ASIC2: variants seen among roughly 807,000 people sequenced by gnomAD.
ASIC2 encodes the protein acid sensing ion channel subunit 2.
In ASIC2, 25 loss-of-function variants were observed where a neutral mutation model predicts 57.3. That is an observed-to-expected ratio of 0.44 (90% CI 0.32 to 0.61). The LOEUF (loss-of-function observed/expected upper bound fraction) is 0.61. Ranked by LOEUF, ASIC2 falls within the 20% of genes least tolerant of loss-of-function variation. The pLI is 0.06. For synonymous variants in ASIC2, 319 were observed against 307.5 expected, an observed-to-expected ratio of 1.04 and a Z score of -0.39; for missense variants, 641 against 738.1, an observed-to-expected ratio of 0.87 and a Z score of 1.52.
chr17:33,016,714 GAACAGCCCCCTC>G (rs2091807663), intron 8 of ASIC2, among the ~76,000 whole-genome samples: 2 of 152,048 alleles, frequency 1.3e-5, no homozygotes, highest in South Asian at 4.2e-4. Flanking sequence ...CTTTGGTCAT[GAACAGCCCCCTC>G]CGAGAGACAG....
At chr17:33,924,946 T>C (rs1378371220) in intron 1 of ASIC2, among the ~76,000 whole-genome samples, 2 of 152,190 alleles carry the variant, frequency 1.3e-5, no homozygotes, top group African/African-American at 4.8e-5. Context: ...TCCTGACCCC[T>C]ACACTTCAGG....
At chr17:33,707,474 A>C (rs1388167) in intron 1 of ASIC2, among the ~76,000 whole-genome samples, 53,209 of 151,982 alleles carry the variant, frequency 0.35, 10,925 homozygotes, top group African/African-American at 0.58. Context: ...TATACAGATA[A>C]ATTTGTCCAT....
At chr17:33,841,310 G>C (rs1913429564) in intron 1 of ASIC2, among the ~76,000 whole-genome samples, 1 of 152,224 alleles carries the variant, frequency 6.6e-6, no homozygotes, top group South Asian at 2.1e-4. Flanking sequence ...TTTTGGGGAA[G>C]TGCTATGAGA....
intron 2 of ASIC2, among the ~76,000 whole-genome samples, chr17:33,091,830 T>A (rs1157142788): frequency 6.6e-6 from 1 of 152,236 alleles, no homozygotes; most frequent in East Asian, 1.9e-4. Flanking sequence ...TCTGCAAAGA[T>A]GGGAACGTGC....
chr17:33,208,475 CT>C (rs1172692745), intron 1 of ASIC2, among the ~76,000 whole-genome samples: 8 of 152,074 alleles, frequency 5.3e-5, no homozygotes, highest in Admixed American at 4.6e-4. Flanking sequence ...CACCTTCATT[CT>C]TGCTGGCACT....
chr17:34,098,884 G>A (rs1306430055), intron 1 of ASIC2, among the ~76,000 whole-genome samples: 10 of 152,024 alleles, frequency 6.6e-5, no homozygotes, highest in Admixed American at 6.6e-4. Flanking sequence ...TGACAGAGGA[G>A]ATGACTAATA....
chr17:33,997,916 T>C (rs1317596132), intron 1 of ASIC2, among the ~76,000 whole-genome samples: 1 of 152,210 alleles, frequency 6.6e-6, no homozygotes, highest in Non-Finnish European at 1.5e-5. Flanking sequence ...TTTTTCTCTC[T>C]TCAATTTTTT....
chr17:33,570,336 A>G (rs923174172), intron 1 of ASIC2, among the ~76,000 whole-genome samples: 1 of 152,238 alleles, frequency 6.6e-6, no homozygotes, highest in Non-Finnish European at 1.5e-5. Context: ...ATGAGTCTTG[A>G]TACTTCAAGC....
intron 1 of ASIC2, among the ~76,000 whole-genome samples, chr17:33,661,511 T>C (rs1366013917): frequency 6.6e-6 from 1 of 152,202 alleles, no homozygotes; most frequent in Non-Finnish European, 1.5e-5. Flanking sequence ...TGGCATGGCC[T>C]TGGGCAAGAC....
intron 1 of ASIC2, among the ~76,000 whole-genome samples, chr17:33,142,586 G>T (rs1395218599): frequency 2.0e-5 from 3 of 152,152 alleles, no homozygotes; most frequent in Admixed American, 6.5e-5. Context: ...AGCACAGAAA[G>T]CACAAAGAAC....
At chr17:33,286,573 T>G (rs1905205720) in intron 1 of ASIC2, among the ~76,000 whole-genome samples, 1 of 152,208 alleles carries the variant, frequency 6.6e-6, no homozygotes. Context: ...AGAATGCATG[T>G]GTTCAATCTC....
chr17:33,411,995 A>G (rs1910678371), intron 1 of ASIC2, among the ~76,000 whole-genome samples: 1 of 152,212 alleles, frequency 6.6e-6, no homozygotes. Context: ...CTATGGTTTG[A>G]GTGAAAGCTC....
chr17:33,306,014 C>T (rs571855149), intron 1 of ASIC2, among the ~76,000 whole-genome samples: 2 of 152,184 alleles, frequency 1.3e-5, no homozygotes, highest in East Asian at 1.9e-4. Flanking sequence ...GTTATGTTGT[C>T]GATATTTAGT....
At chr17:33,430,344 G>C (rs1597725665) in intron 1 of ASIC2, among the ~76,000 whole-genome samples, 1 of 152,108 alleles carries the variant, frequency 6.6e-6, no homozygotes, top group East Asian at 1.9e-4. Context: ...TGGGACTCCT[G>C]GGGGGAAAAT....
At chr17:33,442,738 T>C (rs956238287) in intron 1 of ASIC2, among the ~76,000 whole-genome samples, 2 of 152,194 alleles carry the variant, frequency 1.3e-5, no homozygotes, top group Non-Finnish European at 2.9e-5. Flanking sequence ...AGTTTTTTTT[T>C]CTCTGTGTTT....
At chr17:33,587,318 T>G (rs1353137201) in intron 1 of ASIC2, among the ~76,000 whole-genome samples, 1 of 152,208 alleles carries the variant, frequency 6.6e-6, no homozygotes, top group African/African-American at 2.4e-5. Flanking sequence ...GCGTTTCACT[T>G]AATGAGAAAC....
At chr17:33,179,284 CAGTT>C (rs745485567) in intron 1 of ASIC2, among the ~76,000 whole-genome samples, 3 of 152,058 alleles carry the variant, frequency 2.0e-5, no homozygotes, top group Non-Finnish European at 2.9e-5. Context: ...TTGTGGCTGG[CAGTT>C]AGAGGACGTT....
chr17:34,042,885 TATAA>T (rs560538617), intron 1 of ASIC2, among the ~76,000 whole-genome samples: 75 of 152,348 alleles, frequency 4.9e-4, no homozygotes, highest in Non-Finnish European at 8.7e-4. Context: ...CTAGAAACAG[TATAA>T]ATGTTCTTCA....
chr17:33,464,687 C>CTCTCTCTATA (rs1264604173), intron 1 of ASIC2, among the ~76,000 whole-genome samples: 15 of 132,642 alleles, frequency 1.1e-4, no homozygotes, highest in African/African-American at 4.4e-4. Flanking sequence ...CTCTCTCTCT[C>CTCTCTCTATA]TATATATATA....
Sources: allele counts gnomAD v4.1 joint callset (sites outside exome capture counted in the v4.1 genomes callset), GRCh38; gene constraint gnomAD v4.1.1; transcripts MANE v1.5; gene names NCBI Gene and HGNC (gene_info 2026-07-23, HGNC 2026-07-21).